ABCC1: variants seen among roughly 807,000 people sequenced by gnomAD.
ABCC1 encodes multidrug resistance-associated protein 1.
Under a neutral mutation model 172.9 loss-of-function variants are expected in ABCC1, and 83 were observed. The ratio of observed to expected loss-of-function variants is 0.48; its 90% CI spans 0.40 to 0.58. The LOEUF (loss-of-function observed/expected upper bound fraction) is 0.58. Among genes scored for constraint, ABCC1 ranks in the 20% least tolerant of loss-of-function variants. The probability of loss-of-function intolerance (pLI) is 0.00; values close to 1 mark genes in which losing one functional copy is unlikely to be tolerated. For synonymous variants in ABCC1, 937 were observed against 825.2 expected (o/e 1.14, Z -2.32); for missense variants, 1,817 against 2,002.7 (o/e 0.91, Z 1.77).
At chr16:15,971,526 A>G (rs915634513) in intron 1 of ABCC1, among the ~76,000 whole-genome samples, 3 of 152,140 alleles carry the variant, frequency 2.0e-5, no homozygotes, top group Non-Finnish European at 2.9e-5. Flanking sequence ...ATTTGCCTAA[A>G]ATAATTGCTT....
At chr16:16,016,228 A>T (rs1053009771) in intron 4 of ABCC1, among the ~76,000 whole-genome samples, 1 of 134,846 alleles carries the variant, frequency 7.4e-6, no homozygotes, top group African/African-American at 2.8e-5. Context: ...ATCTCGGCTC[A>T]CTGCAGCCTC....
chr16:16,036,418 C>G lies in ABCC1; in HGVS notation c.678-54C>G, dbSNP rs929298391. ...GTGGAGTGAGTGAGCCCCGTCCTCC[C>G]CCTCCTCCTGTCATTGACTCTCATT... is the stretch of plus-strand genomic sequence containing the variant. On this transcript the variant is annotated intron_variant, in intron 6 of 30. Transcript: ENST00000399410. 3.8e-6 allele frequency: 6 copies of G among 1,563,082 alleles called. No homozygotes were observed. In the African/African-American group the frequency reaches 6.8e-5, roughly 18 times the overall value.
intron 26 of ABCC1, among the ~76,000 whole-genome samples, chr16:16,126,204 T>C (rs1452148564): frequency 2.6e-5 from 4 of 152,200 alleles, no homozygotes; most frequent in African/African-American, 9.7e-5. Context: ...CCTCTATTTC[T>C]CTTTCATAAC....
intron 30 of ABCC1, 106 bp downstream of exon 30, chr16:16,138,664 C>A: frequency 3.7e-6 from 3 of 811,320 alleles, no homozygotes; most frequent in Non-Finnish European, 5.2e-6. Flanking sequence ...TCCCTAGTGA[C>A]AGCCCCAGTG....
chr16:15,953,557 G>C (rs1237619509), intron 1 of ABCC1, among the ~76,000 whole-genome samples: 1 of 152,152 alleles, frequency 6.6e-6, no homozygotes, highest in Admixed American at 6.5e-5. Flanking sequence ...TTAATCCTTA[G>C]CAAGGACTTA....
At chr16:16,013,041 A>G (rs530359432) in intron 3 of ABCC1, among the ~76,000 whole-genome samples, 2 of 152,100 alleles carry the variant, frequency 1.3e-5, no homozygotes, top group South Asian at 4.1e-4. Flanking sequence ...AACAGGGGTG[A>G]TAGTCTGAGG....
intron 1 of ABCC1, among the ~76,000 whole-genome samples, chr16:15,958,633 A>C (rs1310103701): frequency 6.6e-6 from 1 of 152,106 alleles, no homozygotes; most frequent in Non-Finnish European, 1.5e-5. Flanking sequence ...GCTCGTGAAA[A>C]CTTGCCCAAA....
intron 3 of ABCC1, among the ~76,000 whole-genome samples, chr16:16,012,309 A>G (rs571689216): frequency 6.6e-6 from 1 of 152,220 alleles, no homozygotes; most frequent in East Asian, 1.9e-4. Flanking sequence ...CACCTGCTTT[A>G]CGCCTGGCTC....
chr16:15,969,439 C>G (rs1316914863), intron 1 of ABCC1, among the ~76,000 whole-genome samples: 2 of 144,666 alleles, frequency 1.4e-5, no homozygotes, highest in Non-Finnish European at 3.0e-5. Flanking sequence ...GTAGCGTGAT[C>G]TCGGCTCACT....
chr16:16,052,654 C>G (rs567404868), intron 10 of ABCC1, 70 bp from the exon 11 acceptor site: 14 of 1,488,030 alleles, frequency 9.4e-6, no homozygotes, highest in Admixed American at 5.2e-5. Context: ...ATGGATCAAC[C>G]GGGGAAGCTG....
intron 21 of ABCC1, among the ~76,000 whole-genome samples, 159 bp from the exon 22 acceptor site, chr16:16,111,216 C>T (rs138402979): frequency 5.9e-5 from 9 of 152,260 alleles, no homozygotes; most frequent in Middle Eastern, 3.4e-3. Context: ...TTGTTTACTG[C>T]TGACTTTGTT....
chr16:16,117,042 T>C (rs961323097), intron 23 of ABCC1, among the ~76,000 whole-genome samples: 6 of 152,222 alleles, frequency 3.9e-5, no homozygotes, highest in African/African-American at 1.4e-4. Context: ...TTCATCACAC[T>C]ACTCAGAAGG....
At chr16:15,982,743 C>G (rs2046650869) in intron 1 of ABCC1, among the ~76,000 whole-genome samples, 1 of 136,544 alleles carries the variant, frequency 7.3e-6, no homozygotes, top group African/African-American at 2.8e-5. Flanking sequence ...GAGGTTGAGA[C>G]TGCAGTCAGC....
intron 1 of ABCC1, among the ~76,000 whole-genome samples, chr16:15,975,467 T>C (rs1057511663): frequency 6.6e-6 from 1 of 152,196 alleles, no homozygotes; most frequent in Non-Finnish European, 1.5e-5. Context: ...TATGCGTGGT[T>C]AGGCTTTTCT....
intron 1 of ABCC1, among the ~76,000 whole-genome samples, chr16:15,975,149 G>A (rs1032297296): frequency 1.3e-5 from 2 of 152,120 alleles, no homozygotes; most frequent in Non-Finnish European, 2.9e-5. Flanking sequence ...TGTATTTCTC[G>A]TTCTGCTTTT....
intron 5 of ABCC1, 72 bp downstream of exon 5, chr16:16,016,693 A>T: frequency 3.2e-6 from 5 of 1,585,522 alleles, no homozygotes; most frequent in Non-Finnish European, 4.3e-6. Flanking sequence ...ACCAGCTAAC[A>T]TTTCTTAGAT....
intron 1 of ABCC1, among the ~76,000 whole-genome samples, chr16:15,992,141 T>G (rs1358152854): frequency 2.6e-5 from 4 of 151,752 alleles, no homozygotes; most frequent in East Asian, 3.9e-4. Context: ...GCTGTGTGCT[T>G]CTTTTGAGAA....
intron 22 of ABCC1, among the ~76,000 whole-genome samples, chr16:16,112,974 C>T (rs1167619828): frequency 6.6e-6 from 1 of 152,192 alleles, no homozygotes; most frequent in Admixed American, 6.5e-5. Flanking sequence ...GTTACTTGAG[C>T]CCCTGCCTAT....
At position 16,066,440 on chromosome 16, in the gene ABCC1, C is replaced by T. The variant is rs1489924190; in HGVS notation, c.1678-1716C>T. On this transcript the variant is annotated intron_variant, in intron 12 of 30. Transcript: ENST00000399410. Reference sequence around the variant, plus strand: ...AAGTGATCCGCCCGCCTCAGCCTCCCGAAGTGCTGGGATTTCAGGTGTGAG... The same window carrying T: ...AAGTGATCCGCCCGCCTCAGCCTCCTGAAGTGCTGGGATTTCAGGTGTGAG... Among the ~76,000 whole-genome samples the T allele has an allele frequency of 8.6e-5, 13 of 151,950 alleles. No homozygotes were observed. The South Asian group carries it at 1.0e-3, about 12-fold the overall frequency.
Sources: gnomAD v4.1 joint callset for allele counts (sites outside exome capture counted in the v4.1 genomes callset) on GRCh38, gnomAD v4.1.1 for gene constraint, MANE v1.5 for transcripts, NCBI Gene and HGNC (gene_info 2026-07-23, HGNC 2026-07-21) for gene names.